Variants in APOL1 observed in about 807,000 individuals in gnomAD.
APOL1 encodes apolipoprotein L 1.
Under a neutral mutation model 14.9 loss-of-function variants are expected in APOL1, and 17 were observed. The ratio of observed to expected loss-of-function variants is 1.14; its 90% CI spans 0.78 to 1.71. The LOEUF (loss-of-function observed/expected upper bound fraction) is 1.71. APOL1 is among the 40% of genes most tolerant of loss of function. APOL1 has a pLI of 0.00. For missense variants in APOL1, 523 were observed against 485.9 expected (o/e 1.08, Z -0.72); for synonymous variants, 195 against 184.8 (o/e 1.05, Z -0.45).
intron 5 of APOL1, 123 bp from the exon 6 acceptor site, chr22:36,265,028 G>A (rs570139238): frequency 4.8e-6 from 6 of 1,253,808 alleles, no homozygotes; most frequent in African/African-American, 4.5e-5. Context: ...AGTCAGGATG[G>A]TCTCAATCTC....
rs755917494 is a variant in APOL1, at chr22:36,265,398, A to T, written c.562A>T (p.Ile188Phe). 1 of 1,613,580 alleles carries T rather than the reference A, an allele frequency of 6.2e-7. No individual in the cohort carries two copies. Among genetic ancestry groups the T allele is most frequent in the Non-Finnish European group, 8.5e-7 (1 of 1,179,756 alleles). ...VSGSLSISSG[I>F]LTLVGMGLAP... ...TGGCTCTCTCAGCATTTCCTCTGGC[A>T]TCCTGACCCTCGTCGGCATGGGTCT... Residue 188 changes from isoleucine (I) to phenylalanine (F), a missense_variant, in exon 6 of 6, where the codon ATC (isoleucine) becomes TTC (phenylalanine). Ile to Phe is a conservative substitution (Grantham distance 21, BLOSUM62 0). Coordinates refer to ENST00000397278, the MANE Select transcript of APOL1 (RefSeq NM_003661.4).
At chr22:36,254,461 G>A (rs1033696551) in intron 1 of APOL1, among the ~76,000 whole-genome samples, 1 of 152,206 alleles carries the variant, frequency 6.6e-6, no homozygotes, top group Non-Finnish European at 1.5e-5. Flanking sequence ...CAGCTACTCA[G>A]AAGGTTGAAG....
At chr22:36,253,294 A>T (rs982524622) in intron 1 of APOL1, 75 bp downstream of exon 1, 2 of 311,120 alleles carry the variant, frequency 6.4e-6, no homozygotes, top group African/African-American at 4.5e-5. Context: ...AGGTTAGGTG[A>T]CTGGTTCAGA....
chr22:36,263,154 G>A (rs2016128386), intron 5 of APOL1, among the ~76,000 whole-genome samples: 2 of 152,232 alleles, frequency 1.3e-5, no homozygotes, highest in African/African-American at 4.8e-5. Flanking sequence ...TGGGGGTGCA[G>A]GTGGTAGGTC....
chr22:36,257,704 G>T (rs1043144597), intron 4 of APOL1: 14 of 305,268 alleles, frequency 4.6e-5, no homozygotes, highest in Middle Eastern at 1.0e-3. Context: ...AGCGGGGGGG[G>T]GGGGGAGTGT....
chr22:36,258,916 T>A (rs1258800562), intron 4 of APOL1, among the ~76,000 whole-genome samples: 4 of 152,176 alleles, frequency 2.6e-5, no homozygotes, highest in Non-Finnish European at 5.9e-5. Context: ...TGGATCTCAC[T>A]GGTCTTAGCT....
intron 4 of APOL1, 170 bp downstream of exon 4, chr22:36,257,577 G>A (rs905823834): frequency 2.0e-5 from 14 of 689,052 alleles, no homozygotes; most frequent in Non-Finnish European, 3.3e-5. Flanking sequence ...GGGTCTGGGG[G>A]TCATCTGCAT....
chr22:36,259,380 A>T (rs1211375339), intron 4 of APOL1, among the ~76,000 whole-genome samples: 1 of 152,168 alleles, frequency 6.6e-6, no homozygotes, highest in Non-Finnish European at 1.5e-5. Flanking sequence ...AAAACAAGAC[A>T]ATCGCTCGCC....
At chr22:36,256,005 G>T (rs2015862939) in intron 2 of APOL1, among the ~76,000 whole-genome samples, 1 of 151,894 alleles carries the variant, frequency 6.6e-6, no homozygotes, top group East Asian at 1.9e-4. Flanking sequence ...TATACCCTCA[G>T]TTGTACCCAG....
In APOL1 at chr22:36,266,574, G is replaced by A. The variant is rs1474611423; in HGVS notation, c.*541G>A. 3 of 398,972 alleles carry A rather than the reference G, an allele frequency of 7.5e-6. No individual in the cohort carries two copies. Among genetic ancestry groups the A allele is most frequent in the Non-Finnish European group, 1.3e-5 (3 of 226,540 alleles). 24.7% of individuals were successfully genotyped at this position (398,972 alleles called of 1,614,324 possible). On this transcript the variant is annotated 3_prime_UTR_variant, in exon 6 of 6. Coordinates refer to ENST00000397278, the MANE Select transcript of APOL1 (RefSeq NM_003661.4). Reference sequence around the variant, plus strand: ...AAGGGAAAAATGGGAACTGGAGAGTGTGGGGAATGGGAAGAAGCAGTTTAC... The same window carrying A: ...AAGGGAAAAATGGGAACTGGAGAGTATGGGGAATGGGAAGAAGCAGTTTAC...
In APOL1 at chr22:36,261,705, T is replaced by C. The variant is rs754837072; in HGVS notation, c.297T>C (p.Ala99=). The part of the protein sequence containing the change: ...TDNEAWNGFV[A]AAELPRNEAD... ...ATGAGGCCTGGAACGGATTCGTGGC[T>C]GCTGCTGAACTGCCCAGGTAAGCTC... Residue 99 remains alanine, a synonymous_variant, in exon 5 of 6, where the codon GCT becomes GCC. Transcript: ENST00000397278. 9.3e-6 allele frequency: 15 copies of C among 1,614,014 alleles called. No individual in the cohort carries two copies. Among genetic ancestry groups the C allele is most frequent in the Non-Finnish European group, 1.2e-5 (14 of 1,179,886 alleles).
In APOL1 at chr22:36,265,795, G is replaced by C; in HGVS notation, c.959G>C (p.Arg320Thr). 1.2e-6 allele frequency: 2 copies of C among 1,614,156 alleles called. No homozygotes were observed. The highest frequency in any genetic ancestry group is 1.1e-5 in the South Asian group (1 of 91,082). ...ISAESGEQVE[R>T]VNEPSILEMS... is the part of the protein sequence containing the mutation. ...GCTGAAAGCGGTGAACAGGTGGAGA[G>C]GGTTAATGAACCCAGCATCCTGGAA... The change falls in exon 6 of 6, where the codon AGG (arginine) becomes ACG (threonine). Residue 320 changes from arginine to threonine, a missense_variant. Arg to Thr is a moderately conservative substitution (Grantham distance 71). Coordinates refer to ENST00000397278, the MANE Select transcript of APOL1 (RefSeq NM_003661.4).
rs2015901441 is a variant in APOL1 at position 36,256,974 on chromosome 22, T to C, written c.45-109T>C. 36 of 1,218,420 alleles carry C rather than the reference T, an allele frequency of 3.0e-5. No homozygotes were observed. In the South Asian group the frequency reaches 4.9e-4, roughly 17 times the overall value. 75.5% of individuals were successfully genotyped at this position (1,218,420 alleles called of 1,614,324 possible). ...CACACATGCTCCCAGGCCCTGGTCA[T>C]TGTCAGAACCTTCCTCCCCATCTCT... On this transcript the variant is annotated intron_variant, in intron 2 of 5. Transcript: ENST00000397278.
chr22:36,257,243 C>G, intron 3 of APOL1, 76 bp from the exon 4 acceptor site: 2 of 1,601,572 alleles, frequency 1.2e-6, no homozygotes, highest in Non-Finnish European at 1.7e-6. Flanking sequence ...TGCAGAGCCC[C>G]GGCTGCTCAA....
intron 4 of APOL1, 67 bp from the exon 5 acceptor site, chr22:36,261,529 C>T: frequency 6.6e-7 from 1 of 1,512,084 alleles, no homozygotes; most frequent in Non-Finnish European, 9.1e-7. Flanking sequence ...GTAGTCATCT[C>T]TTATGCAATG....
intron 4 of APOL1, among the ~76,000 whole-genome samples, chr22:36,257,932 C>T (rs927593036): frequency 4.6e-5 from 7 of 152,184 alleles, no homozygotes; most frequent in African/African-American, 1.7e-4. Context: ...AACTGGACCC[C>T]GGTCTGTCCT....
In APOL1 at chr22:36,265,906, A is replaced by G; in HGVS notation, c.1070A>G (p.Lys357Arg). 1 of 1,614,192 alleles carries G rather than the reference A, an allele frequency of 6.2e-7. No individual in the cohort carries two copies. The highest frequency in any genetic ancestry group is 8.5e-7 in the Non-Finnish European group (1 of 1,180,050). The part of the protein sequence containing the change: ...LDVVYLVYES[K>R]HLHEGAKSET... ...GTAGTCTACCTCGTGTACGAATCAAAGCACTTACATGAGGGGGCAAAGTCA... is the reference window on the plus strand; with the variant it reads ...GTAGTCTACCTCGTGTACGAATCAAGGCACTTACATGAGGGGGCAAAGTCA... Residue 357 changes from lysine to arginine, a missense_variant, in exon 6 of 6, where the codon AAG becomes AGG. Physicochemically the swap from Lys to Arg is conservative, Grantham distance 26. Coordinates refer to ENST00000397278, the MANE Select transcript of APOL1 (RefSeq NM_003661.4).
chr22:36,257,669 A>T, intron 4 of APOL1: 7 of 293,924 alleles, frequency 2.4e-5, no homozygotes, highest in East Asian at 6.3e-5. Context: ...CAAGTGGGGC[A>T]GGACATCCTT....
At position 36,255,709 on chromosome 22, in the gene APOL1, T is replaced by C. The variant is rs574879319; in HGVS notation, c.44+710T>C. Among the ~76,000 whole-genome samples, 10 of 150,754 alleles carry C rather than the reference T, an allele frequency of 6.6e-5. No homozygotes were observed. The South Asian group carries it at 1.7e-3, about 25-fold the overall frequency. On this transcript the variant is annotated intron_variant, in intron 2 of 5. Coordinates refer to ENST00000397278, the MANE Select transcript of APOL1 (RefSeq NM_003661.4). ...AGGGGGCCCGGGAACCACTGAGCTGTTAAAATAAAGTCTGCAAACAAAGAC... is the reference window on the plus strand; with the variant it reads ...AGGGGGCCCGGGAACCACTGAGCTGCTAAAATAAAGTCTGCAAACAAAGAC...
Sources: allele counts gnomAD v4.1 joint callset (sites outside exome capture counted in the v4.1 genomes callset), GRCh38; gene constraint gnomAD v4.1.1; transcripts MANE v1.5; gene names NCBI Gene and HGNC (gene_info 2026-07-23, HGNC 2026-07-21).